SLC38A12: variants seen among roughly 807,000 people sequenced by gnomAD.
SLC38A12 encodes the protein solute carrier family 38 member 12.
At chr17:74,800,843 A>G in the SLC38A12 span, among the ~76,000 whole-genome samples, 1 of 152,228 alleles carries the variant, frequency 6.6e-6, no homozygotes, top group African/African-American at 2.4e-5. Context: ...AGGGCCTGGC[A>G]AGAAAGTGGA....
chr17:74,819,464 G>A, the SLC38A12 span, among the ~76,000 whole-genome samples: 3 of 152,260 alleles, frequency 2.0e-5, no homozygotes, highest in African/African-American at 7.2e-5. Context: ...AGAGCAGGAC[G>A]CATGGGGTCC....
chr17:74,812,358 A>G, the SLC38A12 span, among the ~76,000 whole-genome samples: 1 of 152,112 alleles, frequency 6.6e-6, no homozygotes, highest in Non-Finnish European at 1.5e-5. Context: ...GTGTGGGTGA[A>G]TCCCCAGATA....
chr17:74,828,539 G>A, the SLC38A12 span, among the ~76,000 whole-genome samples: 1 of 152,170 alleles, frequency 6.6e-6, no homozygotes, highest in Non-Finnish European at 1.5e-5. Context: ...TTCTGGGCAG[G>A]GACCGTTGGG....
chr17:74,784,943 GA>G, the SLC38A12 span, among the ~76,000 whole-genome samples: 1 of 142,980 alleles, frequency 7.0e-6, no homozygotes, highest in Non-Finnish European at 1.5e-5. Flanking sequence ...TATGGTATGT[GA>G]ATTATGCCTC....
At chr17:74,797,240 A>C in the SLC38A12 span, among the ~76,000 whole-genome samples, 9 of 152,322 alleles carry the variant, frequency 5.9e-5, no homozygotes, top group East Asian at 1.4e-3. Flanking sequence ...TAAACCTTCC[A>C]CATGATGGAA....
the SLC38A12 span, among the ~76,000 whole-genome samples, chr17:74,792,698 G>A: frequency 6.6e-5 from 10 of 152,202 alleles, no homozygotes; most frequent in Non-Finnish European, 1.5e-4. Flanking sequence ...CTCTTTGACT[G>A]CTTTTTAGGA....
At chr17:74,781,171 G>C in the SLC38A12 span, among the ~76,000 whole-genome samples, 2 of 152,202 alleles carry the variant, frequency 1.3e-5, no homozygotes, top group Non-Finnish European at 2.9e-5. Flanking sequence ...TAGTGCCCAA[G>C]CTGAGAAACC....
At chr17:74,795,549 G>T in the SLC38A12 span, 1 of 1,614,052 alleles carries the variant, frequency 6.2e-7, no homozygotes, top group Non-Finnish European at 8.5e-7. Context: ...TGACTCCTGC[G>T]GTGTGGAAGC....
At chr17:74,819,715 C>A in the SLC38A12 span, 3 of 1,595,620 alleles carry the variant, frequency 1.9e-6, no homozygotes, top group Admixed American at 1.7e-5. Context: ...GCTGGTGCGG[C>A]CTGCACCCTC....
the SLC38A12 span, chr17:74,790,101 A>G: frequency 1.0e-6 from 1 of 957,268 alleles, no homozygotes; most frequent in Non-Finnish European, 1.6e-6. Flanking sequence ...CTACAGGCAC[A>G]TGACACCACA....
At chr17:74,826,398 G>A in the SLC38A12 span, among the ~76,000 whole-genome samples, 1 of 152,320 alleles carries the variant, frequency 6.6e-6, no homozygotes, top group East Asian at 1.9e-4. Context: ...CTATAAAGCT[G>A]CTTGTTTCAG....
the SLC38A12 span, among the ~76,000 whole-genome samples, chr17:74,815,945 T>C: frequency 6.6e-6 from 1 of 152,072 alleles, no homozygotes; most frequent in Non-Finnish European, 1.5e-5. Flanking sequence ...CCACGTCCTG[T>C]CCAGGAAATC....
At chr17:74,827,298 CT>C in the SLC38A12 span, among the ~76,000 whole-genome samples, 719 of 140,278 alleles carry the variant, frequency 5.1e-3, no homozygotes, top group Admixed American at 5.9e-3. The surrounding 1 kb of genome is among the most constrained non-coding windows in gnomAD (Gnocchi z 4.7). Flanking sequence ...CAGTCATCTC[CT>C]TTTTTTTTTT....
At chr17:74,821,765 C>T in the SLC38A12 span, among the ~76,000 whole-genome samples, 16 of 152,224 alleles carry the variant, frequency 1.1e-4, no homozygotes, top group Middle Eastern at 3.2e-3. Flanking sequence ...TGCTCCAGCT[C>T]CTGTGGCTCC....
At chr17:74,807,706 C>T in the SLC38A12 span, among the ~76,000 whole-genome samples, 11 of 152,346 alleles carry the variant, frequency 7.2e-5, no homozygotes, top group South Asian at 2.1e-4. Flanking sequence ...GCTCGTCACC[C>T]GTCTCTTTCT....
At chr17:74,799,352 G>A in the SLC38A12 span, among the ~76,000 whole-genome samples, 2 of 152,252 alleles carry the variant, frequency 1.3e-5, no homozygotes, top group Non-Finnish European at 2.9e-5. Context: ...TGGAGACCCG[G>A]CCGCAAACTG....
At chr17:74,798,344 GTAAC>G in the SLC38A12 span, among the ~76,000 whole-genome samples, 1 of 152,184 alleles carries the variant, frequency 6.6e-6, no homozygotes, top group Non-Finnish European at 1.5e-5. Context: ...CCTTGCTACA[GTAAC>G]TGTCTCCAGG....
chr17:74,817,180 C>T, the SLC38A12 span, among the ~76,000 whole-genome samples: 2 of 152,142 alleles, frequency 1.3e-5, no homozygotes, highest in African/African-American at 2.4e-5. Context: ...AGCCCCAGCT[C>T]GCAGTCTGTG....
the SLC38A12 span, among the ~76,000 whole-genome samples, chr17:74,825,216 C>T: frequency 6.6e-6 from 1 of 152,234 alleles, no homozygotes; most frequent in Non-Finnish European, 1.5e-5. Context: ...CCTGCACGGC[C>T]CAGGTCTCTG....
Sources: allele counts gnomAD v4.1 joint callset (sites outside exome capture counted in the v4.1 genomes callset), GRCh38; gene constraint gnomAD v4.1.1; non-coding constraint Gnocchi (gnomAD v3.1); transcripts MANE v1.5; gene names NCBI Gene and HGNC (gene_info 2026-07-23, HGNC 2026-07-21).